The following GEM variants were observed in gnomAD, a reference collection of about 807,000 sequenced individuals.
GEM encodes GTP binding protein overexpressed in skeletal muscle, also known as GTP-binding protein GEM.
Under a neutral mutation model 33.0 loss-of-function variants are expected in GEM, and 31 were observed. The observed-to-expected ratio is 0.94, with a 90% CI of 0.71 to 1.27. GEM has a LOEUF of 1.27. GEM is among the 50% of genes most tolerant of loss of function. The pLI is 0.00. For synonymous variants in GEM, 141 were observed against 143.7 expected (o/e 0.98, Z 0.13); for missense variants, 354 against 390.5 (o/e 0.91, Z 0.79).
chr8:94,255,096 C>T (rs373175035), intron 2 of GEM, among the ~76,000 whole-genome samples: 244 of 152,280 alleles, frequency 1.6e-3, no homozygotes, highest in African/African-American at 5.2e-3. Flanking sequence ...TAAAACCCCT[C>T]CCTGCACTCA....
In GEM at chr8:94,250,385, C is replaced by T; in HGVS notation, c.816G>A (p.Lys272=). ...MPRKARRFWG[K]IVAKNNKNMA... ...TATTCTTGTTGTTTTTGGCCACGAT[C>T]TTGCCCCAGAAGCGCCTGGCTTTCC... The change falls in exon 5 of 5, where the codon AAG becomes AAA. Residue 272 remains lysine (K), a synonymous_variant. Transcript: ENST00000297596. The T allele has an allele frequency of 6.2e-7, 1 of 1,614,176 alleles. No individual in the cohort carries two copies. The highest frequency in any genetic ancestry group is 8.5e-7 in the Non-Finnish European group (1 of 1,180,014).
In GEM at chr8:94,250,036, A is replaced by C; in HGVS notation, c.*274T>G. Reference sequence around the variant, plus strand: ...GTAAGCTTTACTTCTCTACTATCCAAAATAGAAGAAACACATGTGAACACC... The same window carrying C: ...GTAAGCTTTACTTCTCTACTATCCACAATAGAAGAAACACATGTGAACACC... On this transcript the variant is annotated 3_prime_UTR_variant, in exon 5 of 5. Transcript: ENST00000297596. The C allele has an allele frequency of 2.5e-6, 1 of 402,280 alleles. No homozygotes were observed. Among genetic ancestry groups the C allele is most frequent in the Non-Finnish European group, 4.4e-6 (1 of 228,696 alleles). The allele number at this position is 402,280 out of a possible 1,614,324, so 24.9% of individuals were successfully genotyped here.
chr8:94,250,668 G>T, intron 4 of GEM, 81 bp from the exon 5 acceptor site: 1 of 1,191,762 alleles, frequency 8.4e-7, no homozygotes, highest in Non-Finnish European at 1.2e-6. Context: ...GGTTCTTCGA[G>T]GTAACACTAA....
At chr8:94,261,869 A>G (rs1809030736) in intron 1 of GEM, among the ~76,000 whole-genome samples, 1 of 152,122 alleles carries the variant, frequency 6.6e-6, no homozygotes, top group Admixed American at 6.5e-5. Context: ...CCGTACCCCA[A>G]CATCTCGCCA....
intron 4 of GEM, among the ~76,000 whole-genome samples, chr8:94,251,690 T>C (rs1808772938): frequency 6.6e-6 from 1 of 152,198 alleles, no homozygotes; most frequent in Non-Finnish European, 1.5e-5. Context: ...AATGAAACTC[T>C]TTCTCACAGT....
Position 94,250,210 on chromosome 8 carries a change from GA to G in GEM, c.*99del. 1.0e-6 allele frequency: 1 copy of G among 977,440 alleles called. No individual in the cohort carries two copies. Among genetic ancestry groups the G allele is most frequent in the Non-Finnish European group, 1.5e-6 (1 of 651,114 alleles). 60.5% of individuals were successfully genotyped at this position (977,440 alleles called of 1,614,324 possible). The stretch of plus-strand genomic sequence containing the variant: ...ACGCTAGCTCCCTGCTACAATGGGG[GA>G]AACCACATCTAACTTAAGTATTCAA... On this transcript the variant is annotated 3_prime_UTR_variant, in exon 5 of 5. Transcript: ENST00000297596.
In GEM at chr8:94,250,202, C is replaced by T; in HGVS notation, c.*108G>A. On this transcript the variant is annotated 3_prime_UTR_variant, in exon 5 of 5. Transcript: ENST00000297596. ...AGGCTAATACGCTAGCTCCCTGCTA[C>T]AATGGGGGAAACCACATCTAACTTA... is the stretch of plus-strand genomic sequence containing the variant. The T allele has an allele frequency of 1.1e-6, 1 of 905,704 alleles. No homozygotes were observed. Among genetic ancestry groups the T allele is most frequent in the Non-Finnish European group, 1.7e-6 (1 of 588,924 alleles). The allele number at this position is 905,704 out of a possible 1,614,324, so 56.1% of individuals were successfully genotyped here. A position where few individuals can be genotyped will look rare whatever the true frequency, so the allele number is the denominator to read the frequency against.
intron 4 of GEM, 74 bp downstream of exon 4, chr8:94,251,945 G>A (rs1808777617): frequency 8.7e-7 from 1 of 1,143,118 alleles, no homozygotes; most frequent in African/African-American, 1.5e-5. Flanking sequence ...TGGAAGGAGG[G>A]AAGAACCCGT....
rs777669807 is a variant in GEM at position 94,252,149 on chromosome 8, G to A, written c.483C>T (p.Asp161=). The change falls in exon 4 of 5, where the codon GAC becomes GAT. Residue 161 remains aspartate (D), a synonymous_variant. Transcript: ENST00000297596. ...CAGATGCCTTCTCGAAGCTCGCTCGGTCTGTGATTGAGTAGACAATCAGGT... is the reference window on the plus strand; with the variant it reads ...CAGATGCCTTCTCGAAGCTCGCTCGATCTGTGATTGAGTAGACAATCAGGT... ...DAYLIVYSIT[D]RASFEKASEL... 2 of 1,613,344 alleles carry A rather than the reference G, an allele frequency of 1.2e-6. No individual in the cohort carries two copies. Among genetic ancestry groups the A allele is most frequent in the South Asian group, 2.2e-5 (2 of 91,054 alleles).
intron 2 of GEM, among the ~76,000 whole-genome samples, chr8:94,254,310 C>T (rs75491372): frequency 0.035 from 5,257 of 152,232 alleles, 285 homozygotes; most frequent in African/African-American, 0.12. Context: ...ATTGCTGGTG[C>T]ACAATAAAGT....
chr8:94,261,515 G>GT (rs1288729746), intron 1 of GEM, among the ~76,000 whole-genome samples: 1 of 152,028 alleles, frequency 6.6e-6, no homozygotes, highest in African/African-American at 2.4e-5. Flanking sequence ...ACGTCCACTA[G>GT]TTTTTTTATT....
chr8:94,261,581 T>C lies in GEM; in HGVS notation c.-10+509A>G, dbSNP rs532882725. 2.0e-5 allele frequency among the ~76,000 whole-genome samples: 3 copies of C among 152,268 alleles called. No homozygotes were observed. The South Asian group carries it at 6.2e-4, about 32-fold the overall frequency. On this transcript the variant is annotated intron_variant, in intron 1 of 4. Coordinates refer to ENST00000297596, the MANE Select transcript of GEM (RefSeq NM_005261.4). ...CCTCACTATGTTGCCCAGGCTGGTC[T>C]CGAACTCCTGGGGTCAAGTGATCCT... is the stretch of plus-strand genomic sequence containing the variant.
intron 1 of GEM, 71 bp from the exon 2 acceptor site, chr8:94,260,583 A>C (rs905640195): frequency 1.0e-5 from 8 of 784,044 alleles, no homozygotes; most frequent in African/African-American, 1.7e-5. Flanking sequence ...ATACATGGTC[A>C]GTCATCAGTA....
chr8:94,254,896 C>T (rs980643195), intron 2 of GEM, among the ~76,000 whole-genome samples: 7 of 152,174 alleles, frequency 4.6e-5, no homozygotes, highest in Admixed American at 2.0e-4. Context: ...TCTGTCTCGC[C>T]CATCGTGTGC....
chr8:94,256,088 C>T (rs1808888201), intron 2 of GEM, among the ~76,000 whole-genome samples: 1 of 152,144 alleles, frequency 6.6e-6, no homozygotes, highest in South Asian at 2.1e-4. Context: ...CCCCCACCTT[C>T]AATATCTGAT....
At chr8:94,256,248 T>C (rs574710541) in intron 2 of GEM, among the ~76,000 whole-genome samples, 1 of 151,484 alleles carries the variant, frequency 6.6e-6, no homozygotes, top group Admixed American at 6.6e-5. Flanking sequence ...AGAATCCCCC[T>C]AACCTTGACG....
At chr8:94,261,443 CA>C (rs773105366) in intron 1 of GEM, among the ~76,000 whole-genome samples, 365 of 152,310 alleles carry the variant, frequency 2.4e-3, no homozygotes, top group Middle Eastern at 6.8e-3. Context: ...CTCCAACTGC[CA>C]GGCTCAAGAG....
At chr8:94,250,702 G>C (rs987807806) in intron 4 of GEM, 115 bp from the exon 5 acceptor site, 2 of 796,350 alleles carry the variant, frequency 2.5e-6, no homozygotes, top group Admixed American at 3.1e-5. Context: ...GCAGTGGATA[G>C]AGGATGCTGC....
chr8:94,260,380 G>A lies in GEM; in HGVS notation c.124C>T (p.His42Tyr). The A allele has an allele frequency of 6.2e-7, 1 of 1,614,052 alleles. No individual in the cohort carries two copies. The highest frequency in any genetic ancestry group is 8.5e-7 in the Non-Finnish European group (1 of 1,179,974). The change falls in exon 2 of 5, where the codon CAC (histidine) becomes TAC (tyrosine). Residue 42 changes from histidine (H) to tyrosine (Y), a missense_variant. By Grantham distance (83) the His-to-Tyr change is moderately conservative. Transcript: ENST00000297596. ...GGGGTAGCAGAATGGCGGTTGCGGT[G>A]GCTGTACTGGTGGGGCTCTTTCTGG... ...MVQKEPHQYS[H>Y]RNRHSATPED...
Sources: allele counts gnomAD v4.1 joint callset (sites outside exome capture counted in the v4.1 genomes callset), GRCh38; gene constraint gnomAD v4.1.1; transcripts MANE v1.5; gene names NCBI Gene and HGNC (gene_info 2026-07-23, HGNC 2026-07-21).